The following POM121C variants were observed in gnomAD, a reference collection of about 807,000 sequenced individuals.
The protein encoded by POM121C is POM121 transmembrane nucleoporin C, also known as nuclear envelope pore membrane protein POM 121C.
Under a neutral mutation model 66.4 loss-of-function variants are expected in POM121C, and 20 were observed. The observed-to-expected ratio is 0.30, with a 90% CI of 0.21 to 0.44. The LOEUF (loss-of-function observed/expected upper bound fraction) is 0.44. Ranked by LOEUF, POM121C falls within the 20% of genes least tolerant of loss-of-function variation. POM121C has a pLI of 1.00. For missense variants in POM121C, 580 were observed against 1,225.7 expected, an observed-to-expected ratio of 0.47 and a Z score of 7.87; for synonymous variants, 286 against 528.0, an observed-to-expected ratio of 0.54 and a Z score of 6.28.
At chr7:75,429,343 T>C (rs1184082869) in intron 7 of POM121C, among the ~76,000 whole-genome samples, 19 of 152,194 alleles carry the variant, frequency 1.2e-4, no homozygotes, top group African/African-American at 3.9e-4. Flanking sequence ...CAAAACCATA[T>C]ACCTAGGGCC....
rs587602803 is a variant in POM121C, at chr7:75,437,781, G to A, written c.309-95C>T. On this transcript the variant is annotated intron_variant, in intron 6 of 14. Transcript: ENST00000615331. ...TGACATCTTTCTTAATAACATGAAG[G>A]GAAGAGAATAATGCTTTTAATTTTT... The A allele has an allele frequency of 3.2e-5, 47 of 1,447,460 alleles. No individual in the cohort carries two copies. In the African/African-American group the frequency reaches 6.4e-4, roughly 20 times the overall value. The allele number at this position is 1,447,460 out of a possible 1,614,324, so 89.7% of individuals were successfully genotyped here. A position where few individuals can be genotyped will look rare whatever the true frequency, so the allele number is the denominator to read the frequency against.
At chr7:75,478,542 C>T (rs1792180415) in intron 1 of POM121C, among the ~76,000 whole-genome samples, 1 of 150,550 alleles carries the variant, frequency 6.6e-6, no homozygotes, top group Admixed American at 6.7e-5. Flanking sequence ...GAGAGTTCAT[C>T]GTTCTATTCC....
intron 5 of POM121C, 62 bp from the exon 6 acceptor site, chr7:75,439,286 T>C: frequency 1.1e-5 from 17 of 1,598,630 alleles, no homozygotes; most frequent in Non-Finnish European, 1.4e-5. Context: ...CTTTAAAGTG[T>C]ATTCTCACAT....
rs1286245561 is a variant in POM121C at position 75,450,236 on chromosome 7, G to A, written c.-151-8589C>T. 3.3e-5 allele frequency among the ~76,000 whole-genome samples: 5 copies of A among 152,018 alleles called. No homozygotes were observed. In the East Asian group the frequency reaches 9.7e-4, roughly 29 times the overall value. On this transcript the variant is annotated intron_variant, in intron 3 of 14. Coordinates refer to ENST00000615331, the MANE Select transcript of POM121C (RefSeq NM_001099415.3). The stretch of plus-strand genomic sequence containing the variant: ...GTGGCATTTTGCTATGGTAGCCCGA[G>A]CAAACTAATAGAGACTTCCTAAATC...
At chr7:75,461,529 C>A (rs1340737655) in intron 3 of POM121C, among the ~76,000 whole-genome samples, 8 of 152,094 alleles carry the variant, frequency 5.3e-5, no homozygotes, top group African/African-American at 1.9e-4. Flanking sequence ...AATTTTCCTG[C>A]CTCAGCTTCC....
chr7:75,471,021 C>T (rs587676307), intron 3 of POM121C, among the ~76,000 whole-genome samples: 3 of 152,070 alleles, frequency 2.0e-5, no homozygotes, highest in East Asian at 1.9e-4. Flanking sequence ...AGATTGACAA[C>T]GGGCTAGAAA....
At chr7:75,440,872 T>G in intron 5 of POM121C, 82 bp downstream of exon 5, 1 of 1,610,126 alleles carries the variant, frequency 6.2e-7, no homozygotes, top group South Asian at 1.1e-5. Flanking sequence ...ACGTGGCCTC[T>G]GTATCTTTAC....
At chr7:75,432,358 C>T (rs1296777194) in intron 7 of POM121C, among the ~76,000 whole-genome samples, 1 of 152,012 alleles carries the variant, frequency 6.6e-6, no homozygotes, top group Non-Finnish European at 1.5e-5. Flanking sequence ...GGTTATATTC[C>T]CAGTGCGGAA....
intron 3 of POM121C, among the ~76,000 whole-genome samples, chr7:75,467,002 A>G (rs1288795852): frequency 6.6e-6 from 1 of 152,248 alleles, no homozygotes; most frequent in African/African-American, 2.4e-5. Context: ...TCAGAGAACG[A>G]GCTAAATCAG....
chr7:75,475,107 A>G lies in POM121C; in HGVS notation c.-376T>C. The G allele has an allele frequency of 6.5e-7, 1 of 1,527,000 alleles. No homozygotes were observed. The highest frequency in any genetic ancestry group is 1.1e-5 in the South Asian group (1 of 88,898). The allele number at this position is 1,527,000 out of a possible 1,614,324, so 94.6% of individuals were successfully genotyped here. On this transcript the variant is annotated 5_prime_UTR_variant, in exon 2 of 15. Coordinates refer to ENST00000615331, the MANE Select transcript of POM121C (RefSeq NM_001099415.3). Reference sequence around the variant, plus strand: ...TAGTTCTCCAACATCACATCCCCGTATGTTATCTTCTCATCAGGGTCCAGT... The same window carrying G: ...TAGTTCTCCAACATCACATCCCCGTGTGTTATCTTCTCATCAGGGTCCAGT...
chr7:75,424,019 G>A (rs782621415), intron 12 of POM121C, 30 bp downstream of exon 12: 3 of 1,608,054 alleles, frequency 1.9e-6, no homozygotes, highest in East Asian at 2.2e-5. Flanking sequence ...CTGCTCAGAA[G>A]GCTGGATCCA....
At position 75,425,629 on chromosome 7, in the gene POM121C, A is replaced by G. The variant is rs781898705; in HGVS notation, c.646+6T>C. On this transcript the variant is annotated splice_donor_region_variant and intron_variant, in intron 9 of 14. Transcript: ENST00000615331. Reference sequence around the variant, plus strand: ...AGCAGCCCCTCCTCCTGGCTCAGCAACCTACCCTTTTCTCCCTGGGACTCC... The same window carrying G: ...AGCAGCCCCTCCTCCTGGCTCAGCAGCCTACCCTTTTCTCCCTGGGACTCC... 1.9e-6 allele frequency: 3 copies of G among 1,596,832 alleles called. No individual in the cohort carries two copies. The East Asian group carries it at 6.7e-5, about 36-fold the overall frequency.
chr7:75,430,824 C>A (rs1186004898), intron 7 of POM121C, among the ~76,000 whole-genome samples: 1 of 151,970 alleles, frequency 6.6e-6, no homozygotes, highest in African/African-American at 2.4e-5. Context: ...TGCCTGTAAT[C>A]CCAGAACTTT....
At chr7:75,472,211 T>A (rs1272280200) in intron 3 of POM121C, among the ~76,000 whole-genome samples, 1 of 150,630 alleles carries the variant, frequency 6.6e-6, no homozygotes, top group South Asian at 2.2e-4. Context: ...TTAACCACAA[T>A]TTAAAATTAA....
At chr7:75,471,494 G>C (rs1271257993) in intron 3 of POM121C, among the ~76,000 whole-genome samples, 14 of 152,022 alleles carry the variant, frequency 9.2e-5, no homozygotes, top group Non-Finnish European at 1.3e-4. Flanking sequence ...CACCATGCCC[G>C]GCCGAGACCT....
At chr7:75,447,947 C>T in intron 3 of POM121C, among the ~76,000 whole-genome samples, 1 of 151,716 alleles carries the variant, frequency 6.6e-6, no homozygotes, top group Admixed American at 6.6e-5. Context: ...TGGTGTGAAC[C>T]CAGGAGGTGG....
rs782315457 is a variant in POM121C at position 75,439,125 on chromosome 7, T to C, written c.308+19A>G. The stretch of plus-strand genomic sequence containing the variant: ...TTTTCCAAACAGTTGGTATTTCATC[T>C]GGATGGACTCGCACTTACTTAGGCA... On this transcript the variant is annotated intron_variant, in intron 6 of 14. Coordinates refer to ENST00000615331, the MANE Select transcript of POM121C (RefSeq NM_001099415.3). 3 of 1,613,852 alleles carry C rather than the reference T, an allele frequency of 1.9e-6. No homozygotes were observed. The highest frequency in any genetic ancestry group is 2.2e-5 in the East Asian group (1 of 44,884).
intron 3 of POM121C, among the ~76,000 whole-genome samples, chr7:75,458,797 C>G (rs587625836): frequency 6.6e-6 from 1 of 152,132 alleles, no homozygotes; most frequent in South Asian, 2.1e-4. Flanking sequence ...AAAATCCGAA[C>G]CCAGAAAAAT....
intron 4 of POM121C, 117 bp from the exon 5 acceptor site, chr7:75,441,232 C>G: frequency 1.3e-6 from 2 of 1,488,224 alleles, no homozygotes; most frequent in Non-Finnish European, 1.8e-6. Flanking sequence ...CACAACAGTT[C>G]CCCTTAGCAA....
Sources: gnomAD v4.1 joint callset for allele counts (sites outside exome capture counted in the v4.1 genomes callset) on GRCh38, gnomAD v4.1.1 for gene constraint, MANE v1.5 for transcripts, NCBI Gene and HGNC (gene_info 2026-07-23, HGNC 2026-07-21) for gene names.